RPS20: variants seen among roughly 807,000 people sequenced by gnomAD.
RPS20 encodes the protein small ribosomal subunit protein uS10.
Under a neutral mutation model 15.3 loss-of-function variants are expected in RPS20, and 3 were observed. The observed-to-expected ratio is 0.20, with a 90% CI of 0.09 to 0.51. The LOEUF (loss-of-function observed/expected upper bound fraction) is 0.51, where lower values mean the gene tolerates loss of function less well. RPS20 is among the 20% of genes least tolerant of loss of function. RPS20 has a pLI of 0.96. For synonymous variants in RPS20, 62 were observed against 47.8 expected (o/e 1.30, Z -1.23); for missense variants, 67 against 145.9 (o/e 0.46, Z 2.79).
intron 3 of RPS20, 193 bp from the exon 4 acceptor site, chr8:56,073,465 A>C (rs1156626975): frequency 1.6e-6 from 1 of 633,538 alleles, no homozygotes; most frequent in African/African-American, 1.8e-5. Context: ...CCACCCTTAG[A>C]GCTTGCGCCT....
chr8:56,073,300 T>C, intron 3 of RPS20, 28 bp from the exon 4 acceptor site: 1 of 1,431,344 alleles, frequency 7.0e-7, no homozygotes. Flanking sequence ...GGAAACCAAG[T>C]GTTTATCGTT....
chr8:56,072,077 T>C (rs1809776912), downstream of RPS20, among the ~76,000 whole-genome samples: 1 of 151,960 alleles, frequency 6.6e-6, no homozygotes, highest in Admixed American at 6.6e-5. Context: ...ACCTCACCTC[T>C]ACAAAAAACA....
At chr8:56,071,439 G>T (rs1054583164), downstream of RPS20, among the ~76,000 whole-genome samples, 1 of 152,180 alleles carries the variant, frequency 6.6e-6, no homozygotes, top group Non-Finnish European at 1.5e-5. Flanking sequence ...TTTAAATTTA[G>T]CAATGTGGCA....
downstream of RPS20, among the ~76,000 whole-genome samples, chr8:56,068,807 CTTTTTTTTTTTTTTTTTT>C (rs61576194): frequency 1.6e-3 from 45 of 27,690 alleles, 1 homozygote; most frequent in Admixed American, 5.6e-3. Context: ...GTGAAAATAT[CTTTTTTTTTTTTTTTTTT>C]TTTTTTTTTT....
At chr8:56,069,814 G>A (rs1044489698), downstream of RPS20, 71 of 1,527,364 alleles carry the variant, frequency 4.6e-5, no homozygotes, top group Non-Finnish European at 6.0e-5. Flanking sequence ...CATGGGTTCT[G>A]CATCTGTAGA....
rs1198530127 is a variant in RPS20 at position 56,074,135 on chromosome 8, G to C, written c.28C>G (p.Pro10Ala). The change falls in exon 2 of 4, where the codon CCC becomes GCC. Residue 10 changes from proline to alanine, a missense_variant. Coordinates refer to ENST00000009589, the MANE Select transcript of RPS20 (RefSeq NM_001023.4). ...TGAATTGCCACCTCCGGCTCCACGG[G>C]TGTTTTTCCGGTATCCTTAAAAGCC... is the stretch of plus-strand genomic sequence containing the variant. The part of the protein sequence containing the change: MAFKDTGKT[P>A]VEPEVAIHRI... 1.9e-6 allele frequency: 3 copies of C among 1,613,188 alleles called. No homozygotes were observed. Among genetic ancestry groups the C allele is most frequent in the African/African-American group, 2.7e-5 (2 of 74,904 alleles).
chr8:56,073,323 C>G (rs1243228111), intron 3 of RPS20, 51 bp from the exon 4 acceptor site: 2 of 1,146,408 alleles, frequency 1.7e-6, no homozygotes, highest in South Asian at 2.5e-5. Flanking sequence ...ATACTTATCC[C>G]TAGAACATCT....
rs2129213271 is a variant in RPS20 at position 56,073,728 on chromosome 8, G to A, written c.144C>T (p.Leu48=). The A allele has an allele frequency of 2.3e-5, 37 of 1,614,072 alleles. No individual in the cohort carries two copies. Among genetic ancestry groups the A allele is most frequent in the Non-Finnish European group, 3.1e-5 (37 of 1,179,954 alleles). Reference sequence around the variant, plus strand: ...GCATTCGAACTGGTCCTTTCACTTTGAGATTCTTTTCTTTTGCGCCTCTTA... The same window carrying A: ...GCATTCGAACTGGTCCTTTCACTTTAAGATTCTTTTCTTTTGCGCCTCTTA... The part of the protein sequence containing the change: ...DLIRGAKEKN[L]KVKGPVRMPT... Residue 48 remains leucine, a synonymous_variant, in exon 3 of 4, where the codon CTC becomes CTT. Transcript: ENST00000009589.
At chr8:56,069,714 CT>C, downstream of RPS20, 3 of 1,550,662 alleles carry the variant, frequency 1.9e-6, no homozygotes, top group Non-Finnish European at 2.6e-6. Context: ...TGCTTGGTCA[CT>C]TTTTTGGCGG....
chr8:56,069,700 T>A (rs370132418), downstream of RPS20: 1 of 1,542,784 alleles, frequency 6.5e-7, no homozygotes, highest in East Asian at 2.4e-5. Flanking sequence ...TCTCCACTTA[T>A]ACCTGCTTGG....
chr8:56,071,842 T>G (rs759519086), downstream of RPS20, among the ~76,000 whole-genome samples: 6 of 152,192 alleles, frequency 3.9e-5, no homozygotes, highest in Non-Finnish European at 5.9e-5. Flanking sequence ...TTTCAAAAAT[T>G]TTCTGAAGGC....
Position 56,073,529 on chromosome 8 carries a change from C to G in RPS20, c.177+166G>C, listed in dbSNP as rs191265658. The G allele has an allele frequency of 1.0e-4, 68 of 673,520 alleles. No individual in the cohort carries two copies. The Admixed American group carries it at 1.3e-3, about 12-fold the overall frequency. 41.7% of individuals were successfully genotyped at this position (673,520 alleles called of 1,614,324 possible). A position where few individuals can be genotyped will look rare whatever the true frequency, so the allele number is the denominator to read the frequency against. On this transcript the variant is annotated intron_variant, in intron 3 of 3. Transcript: ENST00000009589. ...AGCAACAATAATTCAACAATCATAT[C>G]TAAACATTAGCTACTTACTAGGAAC...
downstream of RPS20, chr8:56,069,576 G>T: frequency 8.6e-6 from 6 of 695,172 alleles, no homozygotes; most frequent in Non-Finnish European, 1.5e-5. Context: ...TGAGATTACA[G>T]GTGTGAGCCA....
chr8:56,068,519 C>T (rs920602452), downstream of RPS20: 19 of 115,228 alleles, frequency 1.6e-4, no homozygotes, highest in African/African-American at 5.2e-4. Context: ...GCCTGGGTGA[C>T]AGAGAAAGAC....
chr8:56,069,908 T>C (rs984441423), downstream of RPS20: 28 of 747,152 alleles, frequency 3.7e-5, no homozygotes, highest in Admixed American at 2.4e-4. Context: ...TTGTCATTAT[T>C]CCCTGAATAC....
chr8:56,073,781 A>G lies in RPS20; in HGVS notation c.104-13T>C, dbSNP rs1379243895. 6.2e-7 allele frequency: 1 copy of G among 1,612,288 alleles called. No individual in the cohort carries two copies. The highest frequency in any genetic ancestry group is 1.6e-4 in the Middle Eastern group (1 of 6,062). On this transcript the variant is annotated splice_polypyrimidine_tract_variant and intron_variant, in intron 2 of 3. Coordinates refer to ENST00000009589, the MANE Select transcript of RPS20 (RefSeq NM_001023.4). ...AAGTCAGCACACACTACAGGAAATA[A>G]AAGACCTCTCAGTATAATCGAAACA... is the stretch of plus-strand genomic sequence containing the variant.
At chr8:56,073,398 A>G (rs1809824272) in intron 3 of RPS20, 126 bp from the exon 4 acceptor site, 2 of 720,118 alleles carry the variant, frequency 2.8e-6, no homozygotes, top group Non-Finnish European at 4.7e-6. Flanking sequence ...TTACACTAAT[A>G]GATTTTCAGG....
chr8:56,074,346 T>G, intron 1 of RPS20, 35 bp downstream of exon 1: 1 of 1,549,398 alleles, frequency 6.5e-7, no homozygotes, highest in Non-Finnish European at 8.7e-7. Flanking sequence ...GCCCGAGCCC[T>G]GCGTTGCGCC....
exon 6 of RPS20, chr8:56,067,520 C>T (rs1372027983): frequency 2.0e-5 from 3 of 152,038 alleles, no homozygotes; most frequent in East Asian, 3.9e-4. Flanking sequence ...TCTGTCTCTA[C>T]TAAAAATACA....
Sources: allele counts gnomAD v4.1 joint callset (sites outside exome capture counted in the v4.1 genomes callset), GRCh38; gene constraint gnomAD v4.1.1; transcripts MANE v1.5; gene names NCBI Gene and HGNC (gene_info 2026-07-23, HGNC 2026-07-21).